Variants in NUMBL observed in about 807,000 individuals in gnomAD.
NUMBL encodes the protein numb-like protein.
Under a neutral mutation model 48.9 loss-of-function variants are expected in NUMBL, and 20 were observed. That is an observed-to-expected ratio of 0.41 (90% CI 0.29 to 0.59). NUMBL has a LOEUF of 0.59. Among genes scored for constraint, NUMBL ranks in the 20% least tolerant of loss-of-function variants. The probability of loss-of-function intolerance (pLI) is 0.31; values close to 1 mark genes in which losing one functional copy is unlikely to be tolerated. For missense variants in NUMBL, 660 were observed against 846.2 expected, an observed-to-expected ratio of 0.78 and a Z score of 2.73; for synonymous variants, 340 against 348.7, an observed-to-expected ratio of 0.98 and a Z score of 0.28.
At chr19:40,677,500 C>T (rs2081883562) in intron 6 of NUMBL, 79 bp from the exon 7 acceptor site, 16 of 1,369,264 alleles carry the variant, frequency 1.2e-5, no homozygotes, top group Non-Finnish European at 1.6e-5. Context: ...GTTATAGCCG[C>T]TAGGTACTGG....
In NUMBL at chr19:40,667,928, G is replaced by A. The variant is rs2081821758; in HGVS notation, c.1370C>T (p.Pro457Leu). Residue 457 changes from proline to leucine, a missense_variant, in exon 10 of 10, where the codon CCT becomes CTT. By Grantham distance (98) the Pro-to-Leu change is moderately conservative (BLOSUM62 -3). This residue lies in a region of NUMBL where 296 missense variants were observed against 339.7 expected (regional missense o/e 0.87). Transcript: ENST00000252891. This position sits in a 1 kb window ranked among gnomAD's most constrained non-coding sequence, Gnocchi z 6.1. Reference sequence around the variant, plus strand: ...GGCGGGGAAAGGCTGCAGGGCAGGAGGCATGGTGGGCACTGGGGCCACTGA... The same window carrying A: ...GGCGGGGAAAGGCTGCAGGGCAGGAAGCATGGTGGGCACTGGGGCCACTGA... ...AASVAPVPTM[P>L]PALQPFPAPV... The A allele has an allele frequency of 2.5e-6, 4 of 1,569,072 alleles. No homozygotes were observed. The highest frequency in any genetic ancestry group is 1.8e-4 in the Middle Eastern group (1 of 5,648).
At chr19:40,677,497 C>A in intron 6 of NUMBL, 76 bp from the exon 7 acceptor site, 1 of 1,380,998 alleles carries the variant, frequency 7.2e-7, no homozygotes, top group Non-Finnish European at 9.9e-7. Context: ...TGGGTTATAG[C>A]CGCTAGGTAC....
At position 40,688,346 on chromosome 19, in the gene NUMBL, C is replaced by T. The variant is rs899187804; in HGVS notation, c.25-1351G>A. 2.6e-5 allele frequency among the ~76,000 whole-genome samples: 4 copies of T among 152,242 alleles called. No homozygotes were observed. The highest frequency in any genetic ancestry group is 2.1e-4 in the South Asian group (1 of 4,830). On this transcript the variant is annotated intron_variant, in intron 1 of 9. Coordinates refer to ENST00000252891, the MANE Select transcript of NUMBL (RefSeq NM_004756.5). This position sits in a 1 kb window ranked among gnomAD's most constrained non-coding sequence, Gnocchi z 4.6. ...CAAAGTCACAAGCCCCACCTACACA[C>T]ATATCTCACACATAGAGACATAAGC...
Position 40,682,974 on chromosome 19 carries a change from G to A in NUMBL, c.250-6C>T, listed in dbSNP as rs761847679. The A allele has an allele frequency of 5.0e-6, 8 of 1,608,552 alleles. No individual in the cohort carries two copies. In the South Asian group the frequency reaches 8.8e-5, roughly 18 times the overall value. ...ACCTCCACGTGACCCAGGTACTTGGGTTGGAGGGAATGGGGGGGGGGACAT... is the reference window on the plus strand; with the variant it reads ...ACCTCCACGTGACCCAGGTACTTGGATTGGAGGGAATGGGGGGGGGGACAT... On this transcript the variant is annotated splice_region_variant and splice_polypyrimidine_tract_variant and intron_variant, in intron 3 of 9. Coordinates refer to ENST00000252891, the MANE Select transcript of NUMBL (RefSeq NM_004756.5). The surrounding 1 kb of genome is among the most constrained non-coding windows in gnomAD (Gnocchi z 4.0).
At chr19:40,671,624 C>A (rs914115571) in intron 8 of NUMBL, among the ~76,000 whole-genome samples, 1 of 152,176 alleles carries the variant, frequency 6.6e-6, no homozygotes, top group Non-Finnish European at 1.5e-5. Flanking sequence ...TCACTCTCAA[C>A]AAGGGTTGGC....
intron 6 of NUMBL, among the ~76,000 whole-genome samples, chr19:40,680,382 T>A (rs2081898705): frequency 6.6e-6 from 1 of 152,004 alleles, no homozygotes; most frequent in Non-Finnish European, 1.5e-5. Flanking sequence ...ATTCCTGACC[T>A]CAGGTGATCT....
In NUMBL at chr19:40,687,410, C is replaced by G. The variant is rs1006927003; in HGVS notation, c.25-415G>C. On this transcript the variant is annotated intron_variant, in intron 1 of 9. Coordinates refer to ENST00000252891, the MANE Select transcript of NUMBL (RefSeq NM_004756.5). The surrounding 1 kb of genome is among the most constrained non-coding windows in gnomAD (Gnocchi z 4.6). ...ACCTCAGATCGCAGATACACAGAAA[C>G]AGTCCCAAACCCAGAAAGCTGCCAC... Among the ~76,000 whole-genome samples the G allele has an allele frequency of 3.9e-5, 6 of 152,218 alleles. No individual in the cohort carries two copies. Among genetic ancestry groups the G allele is most frequent in the African/African-American group, 1.4e-4 (6 of 41,448 alleles).
intron 9 of NUMBL, among the ~76,000 whole-genome samples, chr19:40,668,506 T>C (rs2144647334): frequency 6.6e-6 from 1 of 152,322 alleles, no homozygotes; most frequent in Admixed American, 6.5e-5. Context: ...TCTCACTCTG[T>C]TGCCCAGGGA....
chr19:40,690,591 C>G lies in NUMBL; in HGVS notation c.-108G>C. The G allele has an allele frequency of 1.7e-6, 1 of 585,106 alleles. No homozygotes were observed. The highest frequency in any genetic ancestry group is 2.5e-6 in the Non-Finnish European group (1 of 404,458). 36.2% of individuals were successfully genotyped at this position (585,106 alleles called of 1,614,324 possible). A position where few individuals can be genotyped will look rare whatever the true frequency, so the allele number is the denominator to read the frequency against. ...AGCTCGGTCTGACGCCGGCCAGGGC[C>G]CGGGGCCGGGGGATGGTGCGGGATG... On this transcript the variant is annotated 5_prime_UTR_variant, in exon 1 of 10. Transcript: ENST00000252891.
intron 7 of NUMBL, among the ~76,000 whole-genome samples, chr19:40,674,473 C>T (rs532905354): frequency 1.9e-4 from 29 of 152,250 alleles, no homozygotes; most frequent in African/African-American, 7.0e-4. Context: ...CAGGGCTGCC[C>T]TCACCCCTGC....
chr19:40,670,338 C>A (rs1206995907), intron 8 of NUMBL, among the ~76,000 whole-genome samples: 2 of 152,130 alleles, frequency 1.3e-5, no homozygotes, highest in African/African-American at 4.8e-5. Context: ...TAAAAATATG[C>A]CCAACCACGT....
rs1235560990 is a variant in NUMBL, at chr19:40,670,328, TA to T, written c.1037-309del. ...AAACACTTAGCAACATATATTAGTT[TA>T]AAAATATGCCCAACCACGTGCATGG... On this transcript the variant is annotated intron_variant, in intron 8 of 9. Transcript: ENST00000252891. Among the ~76,000 whole-genome samples, 6 of 152,266 alleles carry T rather than the reference TA, an allele frequency of 3.9e-5. No individual in the cohort carries two copies. In the East Asian group the frequency reaches 1.2e-3, roughly 29 times the overall value.
At chr19:40,677,641 T>C (rs1204716696) in intron 6 of NUMBL, among the ~76,000 whole-genome samples, 1 of 152,156 alleles carries the variant, frequency 6.6e-6, no homozygotes, top group East Asian at 1.9e-4. Flanking sequence ...CTCCACTTAC[T>C]GGAAATTCCA....
chr19:40,677,003 G>A (rs542149228), intron 7 of NUMBL, among the ~76,000 whole-genome samples: 43 of 152,208 alleles, frequency 2.8e-4, no homozygotes, highest in Admixed American at 9.8e-4. Context: ...TAGTAGAGAC[G>A]AGGTTTTACC....
Position 40,675,559 on chromosome 19 carries a change from C to T in NUMBL, c.730+1673G>A, listed in dbSNP as rs1004995343. ...TAATTATATGGTGACTCAGGACATA[C>T]ATACAATTATATTTTAAACACACAC... On this transcript the variant is annotated intron_variant, in intron 7 of 9. Transcript: ENST00000252891. 2.0e-5 allele frequency among the ~76,000 whole-genome samples: 3 copies of T among 146,526 alleles called. No individual in the cohort carries two copies. In the Admixed American group the frequency reaches 2.1e-4, roughly 10 times the overall value.
intron 6 of NUMBL, among the ~76,000 whole-genome samples, chr19:40,677,718 C>T (rs1038074588): frequency 6.6e-6 from 1 of 152,172 alleles, no homozygotes; most frequent in Non-Finnish European, 1.5e-5. Context: ...AGTGGTGGCT[C>T]TCGCCTGTAA....
chr19:40,670,092 GC>G lies in NUMBL; in HGVS notation c.1037-73del. On this transcript the variant is annotated intron_variant, in intron 8 of 9. Transcript: ENST00000252891. Reference sequence around the variant, plus strand: ...GCCGCAGCCCCGCCCTCTACCCCCCGCCCTCGGTGGCCCTCTCTTCTGACCT... The same window carrying G: ...GCCGCAGCCCCGCCCTCTACCCCCCGCCTCGGTGGCCCTCTCTTCTGACCT... 6 of 1,529,308 alleles carry G rather than the reference GC, an allele frequency of 3.9e-6. No homozygotes were observed. In the Middle Eastern group the frequency reaches 9.2e-4, roughly 234 times the overall value. 94.7% of individuals were successfully genotyped at this position (1,529,308 alleles called of 1,614,324 possible).
chr19:40,690,406 A>C, intron 1 of NUMBL, 54 bp downstream of exon 1: 1 of 1,052,560 alleles, frequency 9.5e-7, no homozygotes. Context: ...ACCCTCCGCC[A>C]CATCAGCAGC....
In NUMBL at chr19:40,684,495, C is replaced by A; in HGVS notation, c.171G>T (p.Val57=). ...QSLRRRKPAY[V]PEASRPHQWQ... ...ACTGGTGCGGGCGCGACGCCTCGGGCACGTAGGCTGGCTTCCTCCGCCGCA... is the reference window on the plus strand; with the variant it reads ...ACTGGTGCGGGCGCGACGCCTCGGGAACGTAGGCTGGCTTCCTCCGCCGCA... Residue 57 remains valine, a synonymous_variant, in exon 3 of 10, where the codon GTG becomes GTT. Coordinates refer to ENST00000252891, the MANE Select transcript of NUMBL (RefSeq NM_004756.5). The A allele has an allele frequency of 6.2e-7, 1 of 1,601,418 alleles. No individual in the cohort carries two copies. Among genetic ancestry groups the A allele is most frequent in the Non-Finnish European group, 8.5e-7 (1 of 1,174,598 alleles).
Sources: gnomAD v4.1 joint callset for allele counts (sites outside exome capture counted in the v4.1 genomes callset) on GRCh38, gnomAD v4.1.1 for gene constraint, gnomAD v4.1.1 regional missense constraint, Gnocchi (gnomAD v3.1) non-coding constraint, MANE v1.5 for transcripts, NCBI Gene and HGNC (gene_info 2026-07-23, HGNC 2026-07-21) for gene names.